Variants in HELZ observed in about 807,000 individuals in gnomAD.
HELZ encodes the protein helicase with zinc finger, also known as ATP-dependent RNA helicase with zinc finger domain.
A neutral mutation model predicts 218.2 loss-of-function variants in HELZ; 23 were observed. That is an observed-to-expected ratio of 0.11 (90% confidence interval 0.08 to 0.15). The LOEUF (loss-of-function observed/expected upper bound fraction) is 0.15, where lower values mean the gene tolerates loss of function less well. HELZ is among the 10% of genes least tolerant of loss of function. The pLI, the probability that HELZ is intolerant of heterozygous loss-of-function variation, is 1.00. For missense variants in HELZ, 1,813 were observed against 2,353.7 expected (o/e 0.77, Z 4.75); for synonymous variants, 814 against 829.4 (o/e 0.98, Z 0.32).
chr17:67,104,156 C>T (rs534871493), intron 31 of HELZ, among the ~76,000 whole-genome samples: 4 of 151,698 alleles, frequency 2.6e-5, no homozygotes, highest in African/African-American at 9.7e-5. Flanking sequence ...AAAAAGGGGC[C>T]GGGTGCGGTG....
intron 12 of HELZ, among the ~76,000 whole-genome samples, chr17:67,185,790 T>C (rs193119576): frequency 4.9e-4 from 74 of 152,020 alleles, no homozygotes; most frequent in South Asian, 1.2e-3. Context: ...TACTTAAAAG[T>C]AAAATCTTAA....
At chr17:67,089,668 T>TATATATATATATATAGAGAG (rs71293575) in intron 31 of HELZ, among the ~76,000 whole-genome samples, 5 of 70,640 alleles carry the variant, frequency 7.1e-5, no homozygotes, top group African/African-American at 2.4e-4. Context: ...TATATATATA[T>TATATATATATATATAGAGAG]AGAGAGAGAG....
intron 11 of HELZ, among the ~76,000 whole-genome samples, chr17:67,189,305 C>T (rs1318207839): frequency 2.0e-5 from 3 of 152,040 alleles, no homozygotes; most frequent in Non-Finnish European, 2.9e-5. Flanking sequence ...GAACCCCATC[C>T]TATGTCCCAA....
At chr17:67,204,013 G>A (rs1235051241) in intron 5 of HELZ, among the ~76,000 whole-genome samples, 1 of 152,114 alleles carries the variant, frequency 6.6e-6, no homozygotes, top group African/African-American at 2.4e-5. Flanking sequence ...TAACAAAACA[G>A]AATATACTCA....
At chr17:67,156,796 T>C (rs562144557) in intron 17 of HELZ, among the ~76,000 whole-genome samples, 2 of 152,174 alleles carry the variant, frequency 1.3e-5, no homozygotes, top group African/African-American at 4.8e-5. Context: ...AATATTTCAT[T>C]GTAAAATTGA....
chr17:67,196,570 TTGGATGGATGGA>T (rs200704348), intron 7 of HELZ, among the ~76,000 whole-genome samples: 10 of 127,958 alleles, frequency 7.8e-5, no homozygotes, highest in East Asian at 5.9e-4. Context: ...GGTTGGTTAG[TTGGATGGATGGA>T]TGGATGGATG....
Position 67,203,463 on chromosome 17 carries a change from A to G in HELZ, c.248-20T>C, listed in dbSNP as rs2040220084. The G allele has an allele frequency of 6.2e-7, 1 of 1,611,990 alleles. No individual in the cohort carries two copies. The highest frequency in any genetic ancestry group is 8.5e-7 in the Non-Finnish European group (1 of 1,179,080). Reference sequence around the variant, plus strand: ...CCAGCACTGCCATGAAAGAACAGCCATCATTAACCATATGACATTTAATGC... The same window carrying G: ...CCAGCACTGCCATGAAAGAACAGCCGTCATTAACCATATGACATTTAATGC... On this transcript the variant is annotated intron_variant, in intron 5 of 32. Coordinates refer to ENST00000358691, the MANE Select transcript of HELZ (RefSeq NM_014877.4).
At chr17:67,101,042 G>A (rs561392913) in intron 31 of HELZ, among the ~76,000 whole-genome samples, 26 of 151,460 alleles carry the variant, frequency 1.7e-4, no homozygotes, top group African/African-American at 5.8e-4. Flanking sequence ...CCCGGGAGGC[G>A]GAGCTTGCAG....
At chr17:67,162,369 C>G (rs1049506417) in intron 15 of HELZ, among the ~76,000 whole-genome samples, 3 of 152,130 alleles carry the variant, frequency 2.0e-5, no homozygotes, top group Admixed American at 2.0e-4. Context: ...AATATTTTTT[C>G]TGAAATTTGC....
At position 67,107,701 on chromosome 17, in the gene HELZ, A is replaced by G; in HGVS notation, c.4725-16T>C. On this transcript the variant is annotated splice_polypyrimidine_tract_variant and intron_variant, in intron 30 of 32. Coordinates refer to ENST00000358691, the MANE Select transcript of HELZ (RefSeq NM_014877.4). ...GTCTTGAAACCTACATGAAAACAAT[A>G]AAATATGAGGAGAAAACAAAAGGCT... 6.3e-7 allele frequency: 1 copy of G among 1,596,936 alleles called. No homozygotes were observed. Among genetic ancestry groups the G allele is most frequent in the Non-Finnish European group, 8.5e-7 (1 of 1,172,670 alleles).
intron 2 of HELZ, among the ~76,000 whole-genome samples, chr17:67,241,768 GC>G (rs1209807279): frequency 6.6e-6 from 1 of 152,172 alleles, no homozygotes; most frequent in East Asian, 1.9e-4. Context: ...TAGTGTCCTA[GC>G]TTCCCAGCCA....
At position 67,078,455 on chromosome 17, in the gene HELZ, C is replaced by T. The variant is rs369464897; in HGVS notation, c.5626G>A (p.Ala1876Thr). ...FPPLMPNKQI[A>T]ESANSSSPQS... Reference sequence around the variant, plus strand: ...GGGCTACTGCTATTGGCCGACTCCGCGATCTGCTTGTTAGGCATAAGGGGT... The same window carrying T: ...GGGCTACTGCTATTGGCCGACTCCGTGATCTGCTTGTTAGGCATAAGGGGT... The change falls in exon 33 of 33, where the codon GCG (alanine) becomes ACG (threonine). Residue 1876 changes from alanine to threonine, a missense_variant. This residue lies in a region of HELZ where 938 missense variants were observed against 1,027.5 expected (regional missense o/e 0.91). Transcript: ENST00000358691. 1.4e-5 allele frequency: 23 copies of T among 1,591,848 alleles called. No individual in the cohort carries two copies. The highest frequency in any genetic ancestry group is 5.5e-5 in the Admixed American group (3 of 54,668).
At chr17:67,118,692 CA>C (rs142101119) in intron 27 of HELZ, among the ~76,000 whole-genome samples, 343 of 44,902 alleles carry the variant, frequency 7.6e-3, no homozygotes, top group African/African-American at 0.029. Flanking sequence ...CTTTAAAAGG[CA>C]AAAAAAAAAA....
intron 12 of HELZ, among the ~76,000 whole-genome samples, chr17:67,187,303 G>A (rs2039781833): frequency 1.3e-5 from 2 of 152,158 alleles, no homozygotes; most frequent in Non-Finnish European, 2.9e-5. Context: ...TAAGGGTAAA[G>A]TGAAGTCTGG....
intron 17 of HELZ, among the ~76,000 whole-genome samples, chr17:67,155,078 T>TA (rs571969140): frequency 8.5e-5 from 13 of 152,120 alleles, no homozygotes; most frequent in African/African-American, 3.1e-4. Flanking sequence ...ATGCAAGAGC[T>TA]AAAAAACATT....
chr17:67,244,014 C>G (rs1254603169), intron 1 of HELZ, 175 bp from the exon 2 acceptor site: 2 of 982,998 alleles, frequency 2.0e-6, no homozygotes, highest in African/African-American at 3.5e-5. Flanking sequence ...AAAACATTTC[C>G]TTTCAGTAAG....
At chr17:67,190,475 T>C (rs901218023) in intron 9 of HELZ, 120 bp from the exon 10 acceptor site, 17 of 708,480 alleles carry the variant, frequency 2.4e-5, no homozygotes, top group Admixed American at 1.2e-4. Flanking sequence ...TGAAAGGCCA[T>C]ATTTATCGTA....
chr17:67,194,879 T>C (rs1187935513), intron 8 of HELZ, among the ~76,000 whole-genome samples: 1 of 152,142 alleles, frequency 6.6e-6, no homozygotes, highest in Non-Finnish European at 1.5e-5. Context: ...TAAACCTTAA[T>C]GTCAGTTTCA....
intron 23 of HELZ, among the ~76,000 whole-genome samples, chr17:67,129,351 CACAT>C (rs561827600): frequency 5.9e-5 from 9 of 151,760 alleles, no homozygotes; most frequent in Admixed American, 2.6e-4. Context: ...TGTATATATG[CACAT>C]ACATACACAT....
Sources: gnomAD v4.1 joint callset for allele counts (sites outside exome capture counted in the v4.1 genomes callset) on GRCh38, gnomAD v4.1.1 for gene constraint, gnomAD v4.1.1 regional missense constraint, MANE v1.5 for transcripts, NCBI Gene and HGNC (gene_info 2026-07-23, HGNC 2026-07-21) for gene names.